RREB1: variants seen among roughly 807,000 people sequenced by gnomAD.
RREB1 encodes the protein ras responsive element binding protein 1.
RREB1 carries 27 observed loss-of-function variants against 117.8 expected under a neutral mutation model. The observed-to-expected ratio is 0.23, with a 90% confidence interval of 0.17 to 0.32. The LOEUF (loss-of-function observed/expected upper bound fraction) is 0.32. Among genes scored for constraint, RREB1 ranks in the 10% least tolerant of loss-of-function variants. RREB1 has a pLI of 1.00. For missense variants in RREB1, 2,577 were observed against 2,378.2 expected, an observed-to-expected ratio of 1.08 and a Z score of -1.74; for synonymous variants, 1,298 against 1,026.7, an observed-to-expected ratio of 1.26 and a Z score of -5.05.
rs1769088964 is a variant in RREB1 at position 7,246,825 on chromosome 6, T to TTCCTGGGCA, written c.4376_4384dup (p.Gly1461_Thr1462insIleLeuGly). Reference sequence around the variant, plus strand: ...CGACACCTGTGGGAAGAGCTTCAAGTTCCTGGGCACCCTGAGCCGCCACCG... The same window carrying TTCCTGGGCA: ...CGACACCTGTGGGAAGAGCTTCAAGTTCCTGGGCATCCTGGGCACCCTGAGCCGCCACCG... On this transcript the variant is annotated inframe_insertion, in exon 12 of 13. Coordinates refer to ENST00000379938, the MANE Select transcript of RREB1 (RefSeq NM_001003699.4). The TTCCTGGGCA allele has an allele frequency of 6.4e-7, 1 of 1,553,228 alleles. No homozygotes were observed. The highest frequency in any genetic ancestry group is 2.4e-5 in the East Asian group (1 of 41,314).
intron 1 of RREB1, among the ~76,000 whole-genome samples, chr6:7,113,894 G>A (rs1432097879): frequency 6.6e-6 from 1 of 152,128 alleles, no homozygotes; most frequent in Non-Finnish European, 1.5e-5. Context: ...ATTGTTGTAA[G>A]GATAAAGTAG....
chr6:7,153,444 A>ACACACACACACACACAC (rs1554118520), intron 1 of RREB1, among the ~76,000 whole-genome samples: 5 of 151,686 alleles, frequency 3.3e-5, no homozygotes, highest in African/African-American at 9.7e-5. Flanking sequence ...ACACACACAC[A>ACACACACACACACACAC]AATCCTCCAA....
chr6:7,151,267 T>C (rs1315255459), intron 1 of RREB1, among the ~76,000 whole-genome samples: 2 of 152,166 alleles, frequency 1.3e-5, no homozygotes, highest in Admixed American at 1.3e-4. Context: ...AGGGGGGAGC[T>C]GAGGCCCAAA....
Position 7,229,645 on chromosome 6 carries a change from C to A in RREB1, c.1546C>A (p.Arg516=). ...PLKPKPLVTP[R]TVVATSTPPP... ...GAAGCCAAAGCCCCTGGTCACACCACGGACGGTGGTGGCCACCTCCACGCC... is the reference window on the plus strand; with the variant it reads ...GAAGCCAAAGCCCCTGGTCACACCAAGGACGGTGGTGGCCACCTCCACGCC... The change falls in exon 10 of 13, where the codon CGG becomes AGG. Residue 516 remains arginine, a synonymous_variant. Coordinates refer to ENST00000379938, the MANE Select transcript of RREB1 (RefSeq NM_001003699.4). This position sits in a 1 kb window ranked among gnomAD's most constrained non-coding sequence, Gnocchi z 4.5. 1 of 1,612,738 alleles carries A rather than the reference C, an allele frequency of 6.2e-7. No individual in the cohort carries two copies. Among genetic ancestry groups the A allele is most frequent in the Non-Finnish European group, 8.5e-7 (1 of 1,179,622 alleles).
intron 6 of RREB1, among the ~76,000 whole-genome samples, chr6:7,190,733 C>T (rs1173575660): frequency 6.6e-6 from 1 of 152,130 alleles, no homozygotes; most frequent in Non-Finnish European, 1.5e-5. Context: ...TGTTGGTATC[C>T]TTTATTTTTG....
intron 6 of RREB1, among the ~76,000 whole-genome samples, chr6:7,201,389 G>A (rs1039199318): frequency 5.3e-5 from 8 of 151,980 alleles, no homozygotes; most frequent in South Asian, 2.1e-4. Context: ...CAACCTGTCC[G>A]ACCTGTTCGG....
chr6:7,160,677 CTTTT>C (rs35328818), intron 1 of RREB1, among the ~76,000 whole-genome samples: 1 of 147,408 alleles, frequency 6.8e-6, no homozygotes. Context: ...ACCTGGATAA[CTTTT>C]TTTTTTTCTT....
intron 12 of RREB1, 51 bp from the exon 13 acceptor site, chr6:7,248,460 T>G (rs773296155): frequency 1.4e-4 from 217 of 1,501,682 alleles, no homozygotes; most frequent in Non-Finnish European, 1.9e-4. Context: ...CAGGGTGCAG[T>G]GGGTACTGGT....
intron 1 of RREB1, among the ~76,000 whole-genome samples, chr6:7,131,352 AT>A (rs1398194839): frequency 6.6e-6 from 1 of 152,196 alleles, no homozygotes; most frequent in Non-Finnish European, 1.5e-5. Context: ...CATTTTGCAG[AT>A]TTGGAAGGTG....
At chr6:7,198,301 G>A (rs1386424589) in intron 6 of RREB1, among the ~76,000 whole-genome samples, 3 of 152,118 alleles carry the variant, frequency 2.0e-5, no homozygotes, top group African/African-American at 7.2e-5. Context: ...AGTTCACATG[G>A]GAATAAATTA....
Position 7,250,868 on chromosome 6 carries a change from A to T in RREB1, c.*1900A>T, listed in dbSNP as rs1769378908. 1 of 152,194 alleles carries T rather than the reference A, an allele frequency of 6.6e-6. No individual in the cohort carries two copies. The highest frequency in any genetic ancestry group is 1.5e-5 in the Non-Finnish European group (1 of 68,034). The allele number at this position is 152,194 out of a possible 1,614,324, so 9.4% of individuals were successfully genotyped here. A position where few individuals can be genotyped will look rare whatever the true frequency, so the allele number is the denominator to read the frequency against. ...GTATTAGGGGTGTATGAACCAGTTT[A>T]AAAACGAGGTTTTATTTACTGTAGA... is the stretch of plus-strand genomic sequence containing the variant. On this transcript the variant is annotated 3_prime_UTR_variant, in exon 13 of 13. Transcript: ENST00000379938.
intron 6 of RREB1, among the ~76,000 whole-genome samples, chr6:7,194,040 T>G (rs930040394): frequency 6.6e-6 from 1 of 152,030 alleles, no homozygotes; most frequent in South Asian, 2.1e-4. Context: ...AAACTATTTC[T>G]GTCATCCCAG....
chr6:7,246,285 G>T (rs1337769195), intron 11 of RREB1, 139 bp from the exon 12 acceptor site: 2 of 684,704 alleles, frequency 2.9e-6, no homozygotes, highest in Non-Finnish European at 4.5e-6. Context: ...CAGGTGGTGA[G>T]GATTTGGGCC....
rs535353467 is a variant in RREB1 at position 7,245,249 on chromosome 6, A to T, written c.3974-1175A>T. ...CATCTCTACTAAAAATACAAAAATC[A>T]GCTGGGCGTGGTGGTGGGCGCCTGT... On this transcript the variant is annotated intron_variant, in intron 11 of 12. Coordinates refer to ENST00000379938, the MANE Select transcript of RREB1 (RefSeq NM_001003699.4). Among the ~76,000 whole-genome samples, 23 of 152,130 alleles carry T rather than the reference A, an allele frequency of 1.5e-4. No individual in the cohort carries two copies. The South Asian group carries it at 4.8e-3, about 32-fold the overall frequency.
At chr6:7,215,219 T>C (rs970162568) in intron 8 of RREB1, 1 of 152,284 alleles carries the variant, frequency 6.6e-6, no homozygotes, top group African/African-American at 2.4e-5. Flanking sequence ...AGAATAGAAC[T>C]GAGCAACTGG....
chr6:7,145,352 T>C (rs776049902), intron 1 of RREB1, among the ~76,000 whole-genome samples: 20 of 152,204 alleles, frequency 1.3e-4, no homozygotes, highest in Non-Finnish European at 7.3e-5. Context: ...CTGTGATTAG[T>C]ATGTGTGTTG....
intron 1 of RREB1, among the ~76,000 whole-genome samples, chr6:7,161,570 G>T (rs1335874233): frequency 6.6e-6 from 1 of 152,106 alleles, no homozygotes; most frequent in African/African-American, 2.4e-5. Context: ...CCTGTGCCTG[G>T]GATCCCCCAT....
chr6:7,226,695 T>A, intron 9 of RREB1, 39 bp downstream of exon 9: 1 of 1,516,436 alleles, frequency 6.6e-7, no homozygotes. Flanking sequence ...AGCAACTGCC[T>A]TCCATGGTCC....
At position 7,246,618 on chromosome 6, in the gene RREB1, C is replaced by T; in HGVS notation, c.4168C>T (p.Pro1390Ser). 1 of 1,564,748 alleles carries T rather than the reference C, an allele frequency of 6.4e-7. No individual in the cohort carries two copies. Among genetic ancestry groups the T allele is most frequent in the Non-Finnish European group, 8.7e-7 (1 of 1,154,956 alleles). Residue 1390 changes from proline (P) to serine (S), a missense_variant, in exon 12 of 13, where the codon CCG (proline) becomes TCG (serine). Pro to Ser is a moderately conservative substitution (Grantham distance 74). Coordinates refer to ENST00000379938, the MANE Select transcript of RREB1 (RefSeq NM_001003699.4). ...EEHGRGESHE[P>S]EEEHGTEEST... Reference sequence around the variant, plus strand: ...GCACGGGCGTGGGGAGAGCCATGAGCCGGAGGAGGAGCATGGCACTGAGGA... The same window carrying T: ...GCACGGGCGTGGGGAGAGCCATGAGTCGGAGGAGGAGCATGGCACTGAGGA...
Sources: gnomAD v4.1 joint callset for allele counts (sites outside exome capture counted in the v4.1 genomes callset) on GRCh38, gnomAD v4.1.1 for gene constraint, Gnocchi (gnomAD v3.1) non-coding constraint, MANE v1.5 for transcripts, NCBI Gene and HGNC (gene_info 2026-07-23, HGNC 2026-07-21) for gene names.